Variants in MMP15 observed in about 807,000 individuals in gnomAD.
MMP15 encodes matrix metalloproteinase-15.
In MMP15, 36 loss-of-function variants were observed where a neutral mutation model predicts 65.0. The ratio of observed to expected loss-of-function variants is 0.55; its 90% CI spans 0.42 to 0.73. The LOEUF (loss-of-function observed/expected upper bound fraction) is 0.73. MMP15 is among the 30% of genes least tolerant of loss of function. The pLI, the probability that MMP15 is intolerant of heterozygous loss-of-function variation, is 0.00. For synonymous variants in MMP15, 428 were observed against 410.2 expected (o/e 1.04, Z -0.52); for missense variants, 870 against 987.8 (o/e 0.88, Z 1.60).
At chr16:58,038,468 C>T in intron 3 of MMP15, 74 bp downstream of exon 3, 1 of 1,585,784 alleles carries the variant, frequency 6.3e-7, no homozygotes, top group Non-Finnish European at 8.6e-7. Flanking sequence ...TCCCAGAGCC[C>T]ACCTCGGCGC....
chr16:58,031,550 C>G (rs781265577), intron 1 of MMP15, among the ~76,000 whole-genome samples: 3 of 152,132 alleles, frequency 2.0e-5, no homozygotes, highest in Non-Finnish European at 4.4e-5. Flanking sequence ...CTCTTCACCC[C>G]GCGCGCTGGC....
At chr16:58,042,206 C>T (rs1959471302) in intron 6 of MMP15, 25 bp from the exon 7 acceptor site, 1 of 1,603,896 alleles carries the variant, frequency 6.2e-7, no homozygotes, top group African/African-American at 1.3e-5. Context: ...GCCTGCGCTG[C>T]CCGCTCACAC....
At chr16:58,041,408 G>A (rs893707361) in intron 5 of MMP15, among the ~76,000 whole-genome samples, 2 of 152,184 alleles carry the variant, frequency 1.3e-5, no homozygotes, top group East Asian at 3.9e-4. Context: ...GGAGCACAGT[G>A]ACCCAAGGTC....
chr16:58,045,312 G>A lies in MMP15; in HGVS notation c.1876G>A (p.Val626Met), dbSNP rs200769934. The change falls in exon 10 of 10, where the codon GTG becomes ATG. Residue 626 changes from valine (V) to methionine (M), a missense_variant. Physicochemically the swap from Val to Met is conservative, Grantham distance 21. Transcript: ENST00000219271. ...QMEEVARTVN[V>M]VMVLVPLLLL... ...GGAGGAGGTGGCACGGACGGTGAAC[G>A]TGGTGATGGTGCTGGTGCCACTGCT... 23 of 1,609,798 alleles carry A rather than the reference G, an allele frequency of 1.4e-5. No individual in the cohort carries two copies. Among genetic ancestry groups the A allele is most frequent in the African/African-American group, 5.3e-5 (4 of 74,834 alleles).
At position 58,041,607 on chromosome 16, in the gene MMP15, C is replaced by G; in HGVS notation, c.911-10C>G. The G allele has an allele frequency of 6.4e-7, 1 of 1,570,290 alleles. No homozygotes were observed. Among genetic ancestry groups the G allele is most frequent in the Non-Finnish European group, 8.6e-7 (1 of 1,158,804 alleles). On this transcript the variant is annotated splice_polypyrimidine_tract_variant and intron_variant, in intron 5 of 9. Transcript: ENST00000219271. ...ACAGACCTCACTTCTGAACCCCTGC[C>G]TCTCTGCAGGTACCCCAGACGGTCA...
chr16:58,032,111 C>T (rs1007764278), intron 1 of MMP15, among the ~76,000 whole-genome samples: 2 of 152,060 alleles, frequency 1.3e-5, no homozygotes, highest in Non-Finnish European at 2.9e-5. Context: ...GTGATCTGCC[C>T]GCCTCGGCCT....
intron 6 of MMP15, 89 bp from the exon 7 acceptor site, chr16:58,042,142 C>G (rs1959470132): frequency 1.3e-6 from 2 of 1,509,682 alleles, no homozygotes; most frequent in African/African-American, 2.8e-5. Flanking sequence ...TGGGCCCACC[C>G]TCACCTGGGA....
intron 7 of MMP15, 125 bp downstream of exon 7, chr16:58,042,494 C>G (rs1959477642): frequency 2.2e-6 from 3 of 1,357,832 alleles, no homozygotes; most frequent in Non-Finnish European, 2.0e-6. Context: ...CCACTGTGGG[C>G]TCACTCTGGG....
intron 1 of MMP15, among the ~76,000 whole-genome samples, chr16:58,035,066 C>T (rs888727561): frequency 6.6e-6 from 1 of 152,200 alleles, no homozygotes; most frequent in Non-Finnish European, 1.5e-5. Context: ...CAGCCAGTCC[C>T]CCGCCACTCC....
chr16:58,037,549 C>T lies in MMP15; in HGVS notation c.240C>T (p.Ala80=). The T allele has an allele frequency of 6.2e-7, 1 of 1,614,202 alleles. No homozygotes were observed. The highest frequency in any genetic ancestry group is 8.5e-7 in the Non-Finnish European group (1 of 1,180,044). ...CCATGCGTTCCGCCCAGATCTTGGC[C>T]TCGGCCCTTGCAGAGATGCAGCGCT... ...MSTMRSAQIL[A]SALAEMQRFY... The change falls in exon 2 of 10, where the codon GCC becomes GCT. Residue 80 remains alanine, a synonymous_variant. Transcript: ENST00000219271.
At chr16:58,036,184 T>C (rs11864458) in intron 1 of MMP15, among the ~76,000 whole-genome samples, 1,796 of 152,240 alleles carry the variant, frequency 0.012, 37 homozygotes, top group African/African-American at 0.041. Flanking sequence ...CACAGACACT[T>C]GCAGTGTCCA....
At position 58,043,567 on chromosome 16, in the gene MMP15, A is replaced by G. The variant is rs1470168988; in HGVS notation, c.1510A>G (p.Ile504Val). ...TGGAGACCCTGGGTACCCCAAGCCCATCAGTGTCTGGCAGGGGATCCCTGC... is the reference window on the plus strand; with the variant it reads ...TGGAGACCCTGGGTACCCCAAGCCCGTCAGTGTCTGGCAGGGGATCCCTGC... ...QRGDPGYPKP[I>V]SVWQGIPASP... Residue 504 changes from isoleucine to valine, a missense_variant, in exon 9 of 10, where the codon ATC becomes GTC. Transcript: ENST00000219271. 1 of 1,613,782 alleles carries G rather than the reference A, an allele frequency of 6.2e-7. No individual in the cohort carries two copies. The highest frequency in any genetic ancestry group is 8.5e-7 in the Non-Finnish European group (1 of 1,179,892).
rs371936704 is a variant in MMP15 at position 58,045,149 on chromosome 16, C to T, written c.1713C>T (p.Asp571=). ...EHVEPGPRWP[D]VARPPFNPHG... is the part of the protein sequence containing the mutation. ...TGGAGCCAGGCCCCCGATGGCCCGA[C>T]GTGGCCCGGCCGCCCTTCAACCCCC... The change falls in exon 10 of 10, where the codon GAC becomes GAT. Residue 571 remains aspartate, a synonymous_variant. Transcript: ENST00000219271. The T allele has an allele frequency of 2.0e-5, 32 of 1,598,918 alleles. No homozygotes were observed. Among genetic ancestry groups the T allele is most frequent in the East Asian group, 1.4e-4 (6 of 44,164 alleles).
At chr16:58,029,211 G>A (rs574752915) in intron 1 of MMP15, among the ~76,000 whole-genome samples, 1 of 152,356 alleles carries the variant, frequency 6.6e-6, no homozygotes, top group South Asian at 2.1e-4. Flanking sequence ...CGTTGGGAGG[G>A]GGTCAGCGTG....
intron 1 of MMP15, among the ~76,000 whole-genome samples, chr16:58,032,941 G>A (rs1343652240): frequency 6.6e-6 from 1 of 152,248 alleles, no homozygotes; most frequent in Non-Finnish European, 1.5e-5. Context: ...TATCGCCTGG[G>A]GTCTGATAAG....
chr16:58,046,183 G>C lies in MMP15; in HGVS notation c.*737G>C, dbSNP rs1959561182. ...AGTCTGCCAGGGCCCCTCTCCCCAG[G>C]GAAGCAGCAGCCTCGCCCCTGGCAG... On this transcript the variant is annotated 3_prime_UTR_variant, in exon 10 of 10. Transcript: ENST00000219271. 6.5e-6 allele frequency: 1 copy of C among 152,824 alleles called. No homozygotes were observed. The highest frequency in any genetic ancestry group is 1.5e-5 in the Non-Finnish European group (1 of 68,204). The allele number at this position is 152,824 out of a possible 1,614,324, so 9.5% of individuals were successfully genotyped here.
intron 1 of MMP15, among the ~76,000 whole-genome samples, chr16:58,029,916 A>G (rs1349375497): frequency 6.6e-6 from 1 of 152,002 alleles, no homozygotes; most frequent in Admixed American, 6.6e-5. Context: ...CTCCCTGCCG[A>G]GCGGTTTGTT....
chr16:58,037,387 G>A (rs1286036367), intron 1 of MMP15, 85 bp from the exon 2 acceptor site: 1 of 1,525,498 alleles, frequency 6.6e-7, no homozygotes, highest in Non-Finnish European at 8.9e-7. Flanking sequence ...GGTGGTGGAG[G>A]TGGTGGGAAG....
chr16:58,035,104 C>T (rs904903237), intron 1 of MMP15, among the ~76,000 whole-genome samples: 6 of 152,232 alleles, frequency 3.9e-5, no homozygotes, highest in Non-Finnish European at 7.3e-5. Flanking sequence ...TTCCCTTTGC[C>T]GTTAGAGCTG....
Sources: gnomAD v4.1 joint callset for allele counts (sites outside exome capture counted in the v4.1 genomes callset) on GRCh38, gnomAD v4.1.1 for gene constraint, MANE v1.5 for transcripts, NCBI Gene and HGNC (gene_info 2026-07-23, HGNC 2026-07-21) for gene names.